Variants in MLANA observed in about 807,000 individuals in gnomAD.
The protein encoded by MLANA is melanoma antigen recognized by T-cells 1.
In MLANA, 21 loss-of-function variants were observed where a neutral mutation model predicts 15.7. That is an observed-to-expected ratio of 1.33 (90% CI 0.95 to 1.92). The LOEUF (loss-of-function observed/expected upper bound fraction) is 1.92, where lower values mean the gene tolerates loss of function less well. Among genes scored for constraint, MLANA ranks in the 40% most tolerant of loss-of-function variants. MLANA has a pLI of 0.00. For missense variants in MLANA, 164 were observed against 143.8 expected, an observed-to-expected ratio of 1.14 and a Z score of -0.72; for synonymous variants, 56 against 51.5, an observed-to-expected ratio of 1.09 and a Z score of -0.37.
chr9:5,901,619 G>A (rs568124391), intron 3 of MLANA, among the ~76,000 whole-genome samples: 1 of 151,980 alleles, frequency 6.6e-6, no homozygotes, highest in Non-Finnish European at 1.5e-5. Flanking sequence ...CCCAGGCTCA[G>A]GTGATCCTCC....
rs150833056 is a variant in MLANA, at chr9:5,906,260, G to A, written c.175-625G>A. 1.1e-3 allele frequency among the ~76,000 whole-genome samples: 161 copies of A among 150,162 alleles called. 1 individual carries two copies. Among genetic ancestry groups the A allele is most frequent in the African/African-American group, 3.8e-3 (155 of 40,934 alleles). On this transcript the variant is annotated intron_variant, in intron 3 of 4. Coordinates refer to ENST00000381477, the MANE Select transcript of MLANA (RefSeq NM_005511.2). ...CAGGAGTATCACTTGAACCCAGGACGCAGAGGTTGCAGTGAGCCGAGATCG... is the reference window on the plus strand; with the variant it reads ...CAGGAGTATCACTTGAACCCAGGACACAGAGGTTGCAGTGAGCCGAGATCG...
chr9:5,903,035 T>C lies in MLANA; in HGVS notation c.175-3850T>C, dbSNP rs1274989796. On this transcript the variant is annotated intron_variant, in intron 3 of 4. Transcript: ENST00000381477. Reference sequence around the variant, plus strand: ...ATTCTGATATCATATTTTAATTTCATTTAATTCAAAATATATTTAAATTTC... The same window carrying C: ...ATTCTGATATCATATTTTAATTTCACTTAATTCAAAATATATTTAAATTTC... 2.6e-5 allele frequency among the ~76,000 whole-genome samples: 4 copies of C among 152,350 alleles called. No homozygotes were observed. In the South Asian group the frequency reaches 8.3e-4, roughly 32 times the overall value.
chr9:5,906,436 T>G (rs1478433218), intron 3 of MLANA, among the ~76,000 whole-genome samples: 1 of 152,232 alleles, frequency 6.6e-6, no homozygotes, highest in African/African-American at 2.4e-5. Flanking sequence ...GGTTCTGACC[T>G]ATGTTATTTT....
chr9:5,892,403 G>C lies in MLANA; in HGVS notation c.-25-47G>C, dbSNP rs1586912751. On this transcript the variant is annotated intron_variant, in intron 1 of 4. Transcript: ENST00000381477. ...GTGGGTCTTTATGAGATGATGAATA[G>C]GGTGGCTTTGGATGCATTAATGATG... 5.1e-6 allele frequency: 7 copies of C among 1,367,442 alleles called. No individual in the cohort carries two copies. In the South Asian group the frequency reaches 9.3e-5, roughly 18 times the overall value. The allele number at this position is 1,367,442 out of a possible 1,614,324, so 84.7% of individuals were successfully genotyped here.
chr9:5,906,947 T>G lies in MLANA; in HGVS notation c.237T>G (p.Phe79Leu). 5 of 1,599,514 alleles carry G rather than the reference T, an allele frequency of 3.1e-6. No homozygotes were observed. The highest frequency in any genetic ancestry group is 1.1e-5 in the South Asian group (1 of 89,016). The stretch of plus-strand genomic sequence containing the variant: ...CAAGAAGATGCCCACAAGAAGGGTT[T>G]GATCATCGGGACAGCAAAGTGTCTC... The part of the protein sequence containing the change: ...ALTRRCPQEG[F>L]DHRDSKVSLQ... Residue 79 changes from phenylalanine (F) to leucine (L), a missense_variant, in exon 4 of 5, where the codon TTT becomes TTG. Physicochemically the swap from Phe to Leu is conservative, Grantham distance 22. Coordinates refer to ENST00000381477, the MANE Select transcript of MLANA (RefSeq NM_005511.2).
At chr9:5,898,012 GCATCA>G (rs778550424) in intron 3 of MLANA, 1 of 212,566 alleles carries the variant, frequency 4.7e-6, no homozygotes, top group Non-Finnish European at 9.7e-6. Flanking sequence ...ATAGTGGAAG[GCATCA>G]CATGGGCAAG....
At position 5,906,959 on chromosome 9, in the gene MLANA, C is replaced by A. The variant is rs2129996823; in HGVS notation, c.249C>A (p.Asp83Glu). ...RCPQEGFDHR[D>E]SKVSLQEKNC... is the part of the protein sequence containing the mutation. ...CACAAGAAGGGTTTGATCATCGGGA[C>A]AGCAAAGTGTCTCTTCAAGAGAAAA... is the stretch of plus-strand genomic sequence containing the variant. Residue 83 changes from aspartate (D) to glutamate (E), a missense_variant, in exon 4 of 5, where the codon GAC (aspartate) becomes GAA (glutamate). Asp to Glu is a conservative substitution (Grantham distance 45). Coordinates refer to ENST00000381477, the MANE Select transcript of MLANA (RefSeq NM_005511.2). The A allele has an allele frequency of 6.3e-7, 1 of 1,599,712 alleles. No individual in the cohort carries two copies. Among genetic ancestry groups the A allele is most frequent in the Non-Finnish European group, 8.5e-7 (1 of 1,174,510 alleles).
chr9:5,906,237 G>A (rs2129990791), intron 3 of MLANA, among the ~76,000 whole-genome samples: 1 of 150,754 alleles, frequency 6.6e-6, no homozygotes, highest in South Asian at 2.1e-4. Context: ...GGCTGAGGCA[G>A]GAGTATCACT....
In MLANA at chr9:5,905,527, T is replaced by TATA. The variant is rs558491188; in HGVS notation, c.175-1355_175-1353dup. Among the ~76,000 whole-genome samples the TATA allele has an allele frequency of 1.2e-4, 18 of 152,292 alleles. No individual in the cohort carries two copies. In the South Asian group the frequency reaches 3.7e-3, roughly 32 times the overall value. On this transcript the variant is annotated intron_variant, in intron 3 of 4. Transcript: ENST00000381477. Reference sequence around the variant, plus strand: ...AAAAATTTTTTTTTAATTAACCCCATATAATGTGGTATACTTTCCAAACTG... The same window carrying TATA: ...AAAAATTTTTTTTTAATTAACCCCATATAATAATGTGGTATACTTTCCAAACTG...
intron 3 of MLANA, among the ~76,000 whole-genome samples, chr9:5,905,853 A>G (rs1256747847): frequency 6.6e-6 from 1 of 152,240 alleles, no homozygotes; most frequent in East Asian, 1.9e-4. Context: ...GGACCTCTTG[A>G]GACTATTCTC....
rs1832100972 is a variant in MLANA, at chr9:5,897,412, G to A, written c.78-145G>A. The A allele has an allele frequency of 9.9e-6, 7 of 703,652 alleles. No homozygotes were observed. The South Asian group carries it at 1.2e-4, about 12-fold the overall frequency. 43.6% of individuals were successfully genotyped at this position (703,652 alleles called of 1,614,324 possible). ...CTGGAGGCCTGGTGGGGTGCCCAGTGTGGGAGGTGGGAAACTACTTGGACA... is the reference window on the plus strand; with the variant it reads ...CTGGAGGCCTGGTGGGGTGCCCAGTATGGGAGGTGGGAAACTACTTGGACA... On this transcript the variant is annotated intron_variant, in intron 2 of 4. Transcript: ENST00000381477.
In MLANA at chr9:5,908,724, C is replaced by G; in HGVS notation, c.*16C>G. The stretch of plus-strand genomic sequence containing the variant: ...TTCACCTTAAGAGCCAGCGAGACAC[C>G]TGAGACATGCTGAAATTATTTCTCT... On this transcript the variant is annotated 3_prime_UTR_variant, in exon 5 of 5. Transcript: ENST00000381477. The G allele has an allele frequency of 1.2e-6, 2 of 1,601,904 alleles. No homozygotes were observed. Among genetic ancestry groups the G allele is most frequent in the Non-Finnish European group, 1.7e-6 (2 of 1,169,054 alleles).
At position 5,910,547 on chromosome 9, in the gene MLANA, A is replaced by G. The variant is rs1833105810; in HGVS notation, c.*1839A>G. The stretch of plus-strand genomic sequence containing the variant: ...ACCACGAGGTCTCTGCTGAACCTCA[A>G]TCCTGTACACTGAGGAACCTGTGGC... On this transcript the variant is annotated 3_prime_UTR_variant, in exon 5 of 5. Coordinates refer to ENST00000381477, the MANE Select transcript of MLANA (RefSeq NM_005511.2). The G allele has an allele frequency of 6.6e-6, 1 of 152,160 alleles. No homozygotes were observed. The highest frequency in any genetic ancestry group is 2.1e-4 in the South Asian group (1 of 4,820). The allele number at this position is 152,160 out of a possible 1,614,324, so 9.4% of individuals were successfully genotyped here.
At chr9:5,907,718 C>T (rs964540780) in intron 4 of MLANA, among the ~76,000 whole-genome samples, 2 of 152,114 alleles carry the variant, frequency 1.3e-5, no homozygotes, top group African/African-American at 2.4e-5. Context: ...TTCGGGAGGC[C>T]GAGGTGGGTG....
intron 3 of MLANA, among the ~76,000 whole-genome samples, chr9:5,905,016 A>G (rs897449946): frequency 1.3e-5 from 2 of 151,336 alleles, no homozygotes; most frequent in Non-Finnish European, 2.9e-5. Flanking sequence ...CTCGTGATCC[A>G]CACGCCTTGA....
In MLANA at chr9:5,910,209, C is replaced by T. The variant is rs1356070686; in HGVS notation, c.*1501C>T. ...TACTTTCTCACTATATGATTCATTGCTATTTAACGGTGAGTCAGTAAACCA... is the reference window on the plus strand; with the variant it reads ...TACTTTCTCACTATATGATTCATTGTTATTTAACGGTGAGTCAGTAAACCA... On this transcript the variant is annotated 3_prime_UTR_variant, in exon 5 of 5. Coordinates refer to ENST00000381477, the MANE Select transcript of MLANA (RefSeq NM_005511.2). The T allele has an allele frequency of 6.6e-6, 1 of 152,160 alleles. No individual in the cohort carries two copies. The allele number at this position is 152,160 out of a possible 1,614,324, so 9.4% of individuals were successfully genotyped here.
At chr9:5,891,068 C>G (rs1295463792) in intron 1 of MLANA, 132 bp downstream of exon 1, 2 of 152,166 alleles carry the variant, frequency 1.3e-5, no homozygotes, top group Non-Finnish European at 2.9e-5. Flanking sequence ...TTCTCCGCAA[C>G]GTTTGTCAGT....
Position 5,892,675 on chromosome 9 carries a change from T to C in MLANA, c.77+124T>C, listed in dbSNP as rs1227324671. ...GTGTTTATCTCCCCAGACAGTAACA[T>C]CCCTGGCAACAAGGGGAGGAGATTC... On this transcript the variant is annotated intron_variant, in intron 2 of 4. Coordinates refer to ENST00000381477, the MANE Select transcript of MLANA (RefSeq NM_005511.2). 6.9e-6 allele frequency: 5 copies of C among 722,676 alleles called. No individual in the cohort carries two copies. In the African/African-American group the frequency reaches 9.1e-5, roughly 13 times the overall value. The allele number at this position is 722,676 out of a possible 1,614,324, so 44.8% of individuals were successfully genotyped here. A position where few individuals can be genotyped will look rare whatever the true frequency, so the allele number is the denominator to read the frequency against.
At chr9:5,897,099 T>A (rs1458150358) in intron 2 of MLANA, among the ~76,000 whole-genome samples, 1 of 152,216 alleles carries the variant, frequency 6.6e-6, no homozygotes, top group African/African-American at 2.4e-5. Flanking sequence ...AGTGTTGATG[T>A]GAGAATTGAA....
Sources: gnomAD v4.1 joint callset for allele counts (sites outside exome capture counted in the v4.1 genomes callset) on GRCh38, gnomAD v4.1.1 for gene constraint, MANE v1.5 for transcripts, NCBI Gene and HGNC (gene_info 2026-07-23, HGNC 2026-07-21) for gene names.